The following ASIC2 variants were observed in gnomAD, a reference collection of about 807,000 sequenced individuals.
ASIC2 encodes acid-sensing ion channel 2.
In ASIC2, 25 loss-of-function variants were observed where a neutral mutation model predicts 57.3. The ratio of observed to expected loss-of-function variants is 0.44; its 90% confidence interval spans 0.32 to 0.61. The LOEUF (loss-of-function observed/expected upper bound fraction) is 0.61. Among genes scored for constraint, ASIC2 ranks in the 20% least tolerant of loss-of-function variants. The probability of loss-of-function intolerance (pLI) is 0.06; values close to 1 mark genes in which losing one functional copy is unlikely to be tolerated. For synonymous variants in ASIC2, 319 were observed against 307.5 expected (o/e 1.04, Z -0.39); for missense variants, 641 against 738.1 (o/e 0.87, Z 1.52).
At chr17:33,147,278 A>T (rs1904599568) in intron 1 of ASIC2, among the ~76,000 whole-genome samples, 1 of 152,242 alleles carries the variant, frequency 6.6e-6, no homozygotes, top group Non-Finnish European at 1.5e-5. Context: ...AAACCAGTTG[A>T]AGCAAACATT....
intron 1 of ASIC2, among the ~76,000 whole-genome samples, chr17:33,510,227 C>T (rs916608797): frequency 1.3e-5 from 2 of 152,136 alleles, no homozygotes; most frequent in Non-Finnish European, 2.9e-5. Context: ...CTAAATCTGA[C>T]CTGTGGATGA....
intron 1 of ASIC2, among the ~76,000 whole-genome samples, chr17:33,143,006 T>C (rs1026144039): frequency 1.3e-5 from 2 of 152,118 alleles, no homozygotes; most frequent in African/African-American, 4.8e-5. Context: ...AAAAGCTCAA[T>C]AAGGGCTTAG....
At chr17:33,515,689 T>C (rs549092572) in intron 1 of ASIC2, among the ~76,000 whole-genome samples, 1 of 152,360 alleles carries the variant, frequency 6.6e-6, no homozygotes, top group South Asian at 2.1e-4. Context: ...GATCCTTAGC[T>C]GCAAGCTTAG....
At chr17:33,510,447 G>A (rs961466066) in intron 1 of ASIC2, among the ~76,000 whole-genome samples, 1 of 152,172 alleles carries the variant, frequency 6.6e-6, no homozygotes, top group East Asian at 1.9e-4. Flanking sequence ...GAGAATAGGA[G>A]TTTGAGGCCA....
rs117760671 is a variant in ASIC2 at position 33,683,374 on chromosome 17, G to A, written c.555+472604C>T. On this transcript the variant is annotated intron_variant, in intron 1 of 9. Transcript: ENST00000359872. ...AGCCACCGCACCTTGCCTAATTTTA[G>A]TTTTTAATTCTTTTGAAGACAAGTT... 8.6e-3 allele frequency among the ~76,000 whole-genome samples: 1,307 copies of A among 152,246 alleles called. 42 individuals carry two copies. In the East Asian group the frequency reaches 0.13, roughly 15 times the overall value.
chr17:33,352,567 C>T (rs1251487156), intron 1 of ASIC2, among the ~76,000 whole-genome samples: 3 of 152,164 alleles, frequency 2.0e-5, no homozygotes, highest in Admixed American at 1.3e-4. Context: ...TATCATCCAT[C>T]GAACTCTGTG....
At chr17:33,670,142 C>T (rs1429117436) in intron 1 of ASIC2, among the ~76,000 whole-genome samples, 1 of 152,132 alleles carries the variant, frequency 6.6e-6, no homozygotes, top group Non-Finnish European at 1.5e-5. Flanking sequence ...GACTGGCAGC[C>T]TTGGGCAGTG....
intron 1 of ASIC2, among the ~76,000 whole-genome samples, chr17:33,515,615 A>C (rs1029169354): frequency 6.6e-5 from 10 of 152,190 alleles, no homozygotes; most frequent in African/African-American, 1.7e-4. Context: ...AAGGCTACTC[A>C]TCCTCTTCCA....
chr17:33,871,576 G>A (rs530315698), intron 1 of ASIC2, among the ~76,000 whole-genome samples: 2 of 152,292 alleles, frequency 1.3e-5, no homozygotes, highest in East Asian at 3.9e-4. Flanking sequence ...CCCTTGTCTT[G>A]CTCAGGATCT....
chr17:33,697,220 C>T (rs561752710), intron 1 of ASIC2, among the ~76,000 whole-genome samples: 27 of 152,234 alleles, frequency 1.8e-4, no homozygotes, highest in South Asian at 2.1e-4. Flanking sequence ...GAATGATAAA[C>T]GAATTAAACC....
At chr17:33,619,368 A>C (rs1905705767) in intron 1 of ASIC2, among the ~76,000 whole-genome samples, 1 of 152,188 alleles carries the variant, frequency 6.6e-6, no homozygotes, top group Non-Finnish European at 1.5e-5. Flanking sequence ...AATTATACTC[A>C]ATAATAAATT....
At chr17:33,044,550 T>C (rs905780110) in intron 3 of ASIC2, among the ~76,000 whole-genome samples, 2 of 152,066 alleles carry the variant, frequency 1.3e-5, no homozygotes, top group Non-Finnish European at 2.9e-5. Context: ...TTTGTAGAGA[T>C]GGGGTTTCAC....
At chr17:33,908,320 A>G (rs750375827) in intron 1 of ASIC2, among the ~76,000 whole-genome samples, 5 of 152,330 alleles carry the variant, frequency 3.3e-5, no homozygotes, top group African/African-American at 7.2e-5. Context: ...AAAAATTCCA[A>G]TGTCTGTTGG....
intron 1 of ASIC2, among the ~76,000 whole-genome samples, chr17:33,702,827 A>T (rs1448871177): frequency 2.0e-5 from 3 of 152,086 alleles, no homozygotes; most frequent in Non-Finnish European, 2.9e-5. Flanking sequence ...TTAATGATTC[A>T]TTCACTCAAC....
chr17:33,159,510 T>A (rs1216578975), intron 1 of ASIC2, among the ~76,000 whole-genome samples: 1 of 152,070 alleles, frequency 6.6e-6, no homozygotes, highest in Non-Finnish European at 1.5e-5. Context: ...CTCCGAGAAG[T>A]AAAGGATCAG....
chr17:33,469,667 T>C (rs1475012235), intron 1 of ASIC2, among the ~76,000 whole-genome samples: 1 of 152,090 alleles, frequency 6.6e-6, no homozygotes, highest in African/African-American at 2.4e-5. Context: ...GAACAAGAGC[T>C]CCTGGAATGA....
chr17:33,680,057 C>T (rs977023606), intron 1 of ASIC2, among the ~76,000 whole-genome samples: 2 of 152,054 alleles, frequency 1.3e-5, no homozygotes, highest in Non-Finnish European at 2.9e-5. Context: ...GATGGGGGAC[C>T]TTTGACGGTC....
chr17:33,508,035 A>C (rs1047973349), intron 1 of ASIC2, among the ~76,000 whole-genome samples: 1 of 152,204 alleles, frequency 6.6e-6, no homozygotes, highest in Non-Finnish European at 1.5e-5. Context: ...ATGCAATCAC[A>C]AACTTATTCC....
At chr17:34,151,256 A>G (rs1337488255) in intron 1 of ASIC2, among the ~76,000 whole-genome samples, 1 of 152,106 alleles carries the variant, frequency 6.6e-6, no homozygotes, top group African/African-American at 2.4e-5. Flanking sequence ...CATATTTAGC[A>G]TGATGTATGC....
Sources: allele counts gnomAD v4.1 joint callset (sites outside exome capture counted in the v4.1 genomes callset), GRCh38; gene constraint gnomAD v4.1.1; transcripts MANE v1.5; gene names NCBI Gene and HGNC (gene_info 2026-07-23, HGNC 2026-07-21).